MACF1: variants seen among roughly 807,000 people sequenced by gnomAD.
MACF1 encodes the protein microtubule actin crosslinking factor 1.
Under a neutral mutation model 854.8 loss-of-function variants are expected in MACF1, and 193 were observed. That is an observed-to-expected ratio of 0.23 (90% confidence interval 0.20 to 0.25). MACF1 has a LOEUF of 0.25. MACF1 is among the 10% of genes least tolerant of loss of function. MACF1 has a pLI of 1.00. For missense variants in MACF1, 7,722 were observed against 8,929.1 expected (o/e 0.86, Z 5.45); for synonymous variants, 3,185 against 3,226.7 (o/e 0.99, Z 0.44).
intron 1 of MACF1, among the ~76,000 whole-genome samples, chr1:39,224,987 T>A (rs538915865): frequency 6.6e-6 from 1 of 152,048 alleles, no homozygotes; most frequent in Admixed American, 6.5e-5. Flanking sequence ...GAGTTTGAGA[T>A]CAGCCTGGAC....
chr1:39,330,361 A>G (rs1646696800), intron 36 of MACF1, among the ~76,000 whole-genome samples: 2 of 152,198 alleles, frequency 1.3e-5, no homozygotes, highest in South Asian at 4.1e-4. Context: ...TGGGATGCAC[A>G]ATTGTTCTGG....
At chr1:39,451,340 G>C in intron 85 of MACF1, 129 bp downstream of exon 85, 1 of 952,240 alleles carries the variant, frequency 1.1e-6, no homozygotes, top group Non-Finnish European at 1.5e-6. Context: ...GTTGCTTTGT[G>C]TGTTTAAACA....
At chr1:39,340,477 AG>A (rs529302970) in intron 38 of MACF1, 24 bp from the exon 39 acceptor site, 1 of 1,551,224 alleles carries the variant, frequency 6.4e-7, no homozygotes, top group South Asian at 1.1e-5. Context: ...TTGCTTTTAT[AG>A]GTAACTCCAC....
chr1:39,267,018 G>T (rs1645241567), intron 6 of MACF1, among the ~76,000 whole-genome samples: 1 of 152,136 alleles, frequency 6.6e-6, no homozygotes, highest in Non-Finnish European at 1.5e-5. Context: ...TGAGCTCTTG[G>T]TCCATGCAGT....
chr1:39,095,382 G>GA (rs568393274), intron 2 of MACF1, among the ~76,000 whole-genome samples: 73 of 151,648 alleles, frequency 4.8e-4, no homozygotes, highest in African/African-American at 1.7e-3. Context: ...CCAACATGGT[G>GA]AAACCCTGTC....
intron 2 of MACF1, among the ~76,000 whole-genome samples, chr1:39,247,511 T>C (rs182365323): frequency 2.6e-5 from 4 of 152,350 alleles, no homozygotes; most frequent in Middle Eastern, 3.4e-3. Flanking sequence ...TGAGGTTATG[T>C]CTGTTGTGTC....
At chr1:39,111,778 C>T (rs566779691) in intron 2 of MACF1, among the ~76,000 whole-genome samples, 4 of 152,132 alleles carry the variant, frequency 2.6e-5, no homozygotes, top group Non-Finnish European at 5.9e-5. Flanking sequence ...CCTCCCAAAA[C>T]GCTGGGATTT....
intron 2 of MACF1, among the ~76,000 whole-genome samples, chr1:39,168,175 T>C (rs1643901827): frequency 6.6e-6 from 1 of 152,188 alleles, no homozygotes; most frequent in African/African-American, 2.4e-5. Flanking sequence ...TTGTCTACTC[T>C]CCCTGGTCCA....
intron 23 of MACF1, chr1:39,304,652 C>A: frequency 1.4e-5 from 7 of 486,482 alleles, no homozygotes; most frequent in Non-Finnish European, 2.6e-5. Context: ...CAAGCTCCGC[C>A]TCCTGTGTTC....
At chr1:39,415,428 C>T (rs1226219577) in intron 58 of MACF1, among the ~76,000 whole-genome samples, 2 of 150,748 alleles carry the variant, frequency 1.3e-5, no homozygotes, top group East Asian at 1.9e-4. Context: ...CTCCACCTCC[C>T]GGGTTCACGC....
chr1:39,442,931 A>G lies in MACF1; in HGVS notation c.19302+20A>G. The stretch of plus-strand genomic sequence containing the variant: ...CAGCAGGTACATGTGACATCCAAGT[A>G]AGGTAGGAAGAGCTATACAGATAAC... On this transcript the variant is annotated intron_variant, in intron 78 of 100. Transcript: ENST00000564288. 6.2e-7 allele frequency: 1 copy of G among 1,606,956 alleles called. No homozygotes were observed. Among genetic ancestry groups the G allele is most frequent in the Non-Finnish European group, 8.5e-7 (1 of 1,175,834 alleles).
In MACF1 at chr1:39,442,857, A is replaced by T; in HGVS notation, c.19248A>T (p.Ser6416=). 1.9e-6 allele frequency: 3 copies of T among 1,614,068 alleles called. No homozygotes were observed. The Middle Eastern group carries it at 4.9e-4, about 266-fold the overall frequency. ...AAGCCATGAACCAATGCTGGGAGTCAGTGTTACAGAAAACAGAGGAGAGGG... is the reference window on the plus strand; with the variant it reads ...AAGCCATGAACCAATGCTGGGAGTCTGTGTTACAGAAAACAGAGGAGAGGG... The part of the protein sequence containing the change: ...RLEAMNQCWE[S]VLQKTEEREQ... The change falls in exon 78 of 101, where the codon TCA becomes TCT. Residue 6416 remains serine (S), a synonymous_variant. Transcript: ENST00000564288.
chr1:39,136,450 T>G (rs967994201), intron 2 of MACF1, among the ~76,000 whole-genome samples: 16 of 152,170 alleles, frequency 1.1e-4, no homozygotes, highest in African/African-American at 3.6e-4. Context: ...TTCTCCTGTT[T>G]GTTTATAGGG....
upstream of MACF1, among the ~76,000 whole-genome samples, chr1:39,201,455 C>T (rs1050866288): frequency 6.6e-6 from 1 of 152,062 alleles, no homozygotes; most frequent in African/African-American, 2.4e-5. Flanking sequence ...TGGATTCAAG[C>T]GATTCTTCTG....
At chr1:39,369,530 T>C (rs1649045067) in intron 50 of MACF1, among the ~76,000 whole-genome samples, 1 of 152,236 alleles carries the variant, frequency 6.6e-6, no homozygotes, top group South Asian at 2.1e-4. Flanking sequence ...GTCTGATAGA[T>C]ATGGCCATTT....
intron 2 of MACF1, among the ~76,000 whole-genome samples, chr1:39,239,220 G>T (rs531429264): frequency 7.9e-5 from 12 of 152,326 alleles, no homozygotes. Flanking sequence ...GATGGAGGTT[G>T]CAGTGAGCTG....
chr1:39,476,765 C>T (rs529879292), intron 97 of MACF1, among the ~76,000 whole-genome samples: 60 of 151,842 alleles, frequency 4.0e-4, no homozygotes, highest in African/African-American at 1.4e-3. Flanking sequence ...TTGCATGAGA[C>T]ATGTAGGGCA....
intron 58 of MACF1, chr1:39,413,262 G>T (rs766858581): frequency 1.9e-6 from 3 of 1,609,582 alleles, no homozygotes; most frequent in South Asian, 2.2e-5. Context: ...CCCCAGAGGA[G>T]CCCGCCTCCC....
chr1:39,249,756 T>C (rs1645020229), intron 2 of MACF1: 1 of 291,608 alleles, frequency 3.4e-6, no homozygotes, highest in Non-Finnish European at 6.4e-6. Flanking sequence ...GTCCAAACTT[T>C]CTAGGACGTT....
Sources: allele counts gnomAD v4.1 joint callset (sites outside exome capture counted in the v4.1 genomes callset), GRCh38; gene constraint gnomAD v4.1.1; transcripts MANE v1.5; gene names NCBI Gene and HGNC (gene_info 2026-07-23, HGNC 2026-07-21).